The following TRPA1 variants were observed in gnomAD, a reference collection of about 807,000 sequenced individuals.
TRPA1 encodes ankyrin-like with transmembrane domains 1.
A neutral mutation model predicts 131.3 loss-of-function variants in TRPA1; 129 were observed. That is an observed-to-expected ratio of 0.98 (90% CI 0.85 to 1.14). The LOEUF (loss-of-function observed/expected upper bound fraction) is 1.14, where lower values mean the gene tolerates loss of function less well. Ranked by LOEUF, TRPA1 falls within the 50% of genes most tolerant of loss-of-function variation. TRPA1 has a pLI of 0.00. For synonymous variants in TRPA1, 441 were observed against 451.7 expected, an observed-to-expected ratio of 0.98 and a Z score of 0.30; for missense variants, 1,304 against 1,354.2, an observed-to-expected ratio of 0.96 and a Z score of 0.58.
upstream of TRPA1, among the ~76,000 whole-genome samples, chr8:72,076,213 T>A (rs1051984439): frequency 2.0e-5 from 3 of 152,146 alleles, no homozygotes; most frequent in African/African-American, 7.2e-5. Context: ...CTTTGGTGTT[T>A]AAGGGTGGTT....
chr8:72,036,028 AAAG>A (rs1187668579), intron 21 of TRPA1, among the ~76,000 whole-genome samples: 1,987 of 140,676 alleles, frequency 0.014, 77 homozygotes, highest in Middle Eastern at 0.028. Context: ...AAAAAAAAAA[AAAG>A]AAGAAGAAGA....
At chr8:72,082,471 T>C in the TRPA1 span, among the ~76,000 whole-genome samples, 1 of 152,094 alleles carries the variant, frequency 6.6e-6, no homozygotes, top group Non-Finnish European at 1.5e-5. Context: ...TTTATTCTAA[T>C]AGATTTGAGT....
At chr8:72,025,702 T>C (rs1311773592) in intron 25 of TRPA1, among the ~76,000 whole-genome samples, 2 of 152,232 alleles carry the variant, frequency 1.3e-5, no homozygotes, top group Non-Finnish European at 2.9e-5. Context: ...CCTGCCCATC[T>C]GCTCTCACAG....
At chr8:72,084,857 G>T in the TRPA1 span, among the ~76,000 whole-genome samples, 417 of 151,708 alleles carry the variant, frequency 2.7e-3, no homozygotes, top group Middle Eastern at 0.02. Context: ...TCATTCTGTC[G>T]GCCAGGCTGG....
rs746093133 is a variant in TRPA1, at chr8:72,034,387, T to TA, written c.2556-11dup. ...TCCACAATTTTCAAATCTAGAAAAGTAAAAAAAAAAAAATTTACTCACTTT... is the reference window on the plus strand; with the variant it reads ...TCCACAATTTTCAAATCTAGAAAAGTAAAAAAAAAAAAAATTTACTCACTTT... On this transcript the variant is annotated splice_polypyrimidine_tract_variant and intron_variant, in intron 21 of 26. Transcript: ENST00000262209. 32,644 of 1,103,324 alleles carry TA rather than the reference T, an allele frequency of 0.03. 35 individuals are homozygous for TA. Among genetic ancestry groups the TA allele is most frequent in the African/African-American group, 0.051 (3,078 of 60,508 alleles). The allele number at this position is 1,103,324 out of a possible 1,614,324, so 68.3% of individuals were successfully genotyped here.
chr8:72,026,767 A>G (rs556768270), intron 24 of TRPA1, among the ~76,000 whole-genome samples: 1 of 152,030 alleles, frequency 6.6e-6, no homozygotes, highest in African/African-American at 2.4e-5. Context: ...ACCCCTTTGT[A>G]TCTGATGTAT....
chr8:72,055,155 T>C lies in TRPA1; in HGVS notation c.1529+281A>G, dbSNP rs1717168490. 5 of 397,026 alleles carry C rather than the reference T, an allele frequency of 1.3e-5. No homozygotes were observed. In the South Asian group the frequency reaches 1.4e-4, roughly 11 times the overall value. 24.6% of individuals were successfully genotyped at this position (397,026 alleles called of 1,614,324 possible). ...TGAGAAACTATGTTTCAAAGAAAGG[T>C]TCTGAGAAAGACTGCACAAAGCCAA... On this transcript the variant is annotated intron_variant, in intron 12 of 26. Coordinates refer to ENST00000262209, the MANE Select transcript of TRPA1 (RefSeq NM_007332.3).
chr8:72,070,573 C>T (rs1806037615), intron 2 of TRPA1, among the ~76,000 whole-genome samples: 1 of 152,150 alleles, frequency 6.6e-6, no homozygotes. Flanking sequence ...TCTTGATCTC[C>T]TTCCTACTTG....
chr8:72,047,261 A>AT, intron 15 of TRPA1, 54 bp from the exon 16 acceptor site: 2 of 1,304,696 alleles, frequency 1.5e-6, no homozygotes, highest in Non-Finnish European at 2.2e-6. Flanking sequence ...ACATATTAGG[A>AT]AAGATTTTAT....
At chr8:72,035,982 A>G (rs1389869044) in intron 21 of TRPA1, among the ~76,000 whole-genome samples, 1 of 141,298 alleles carries the variant, frequency 7.1e-6, no homozygotes, top group Non-Finnish European at 1.5e-5. Flanking sequence ...GCAATTTACG[A>G]TATACAAGAC....
chr8:72,064,787 C>T (rs1805891642), intron 4 of TRPA1, among the ~76,000 whole-genome samples: 1 of 151,338 alleles, frequency 6.6e-6, no homozygotes, highest in African/African-American at 2.4e-5. Flanking sequence ...AGTCTATTTG[C>T]CGGCATTCTA....
rs575539806 is a variant in TRPA1, at chr8:72,056,346, T to G, written c.1195-491A>C. 1.3e-4 allele frequency: 22 copies of G among 167,964 alleles called. 1 individual carries two copies. The highest frequency in any genetic ancestry group is 1.1e-3 in the Admixed American group (20 of 17,682). 10.4% of individuals were successfully genotyped at this position (167,964 alleles called of 1,614,324 possible). A position where few individuals can be genotyped will look rare whatever the true frequency, so the allele number is the denominator to read the frequency against. On this transcript the variant is annotated intron_variant, in intron 10 of 26. Coordinates refer to ENST00000262209, the MANE Select transcript of TRPA1 (RefSeq NM_007332.3). ...AAGCTTAAGCCTATCAATTAATATTTTGTTATTTTTTAAATATTCAAACAC... is the reference window on the plus strand; with the variant it reads ...AAGCTTAAGCCTATCAATTAATATTGTGTTATTTTTTAAATATTCAAACAC...
intron 13 of TRPA1, 87 bp from the exon 14 acceptor site, chr8:72,052,852 G>A (rs541025709): frequency 5.0e-4 from 755 of 1,498,376 alleles, no homozygotes; most frequent in Non-Finnish European, 6.1e-4. Context: ...AGACATTAGC[G>A]ACACTATTTA....
chr8:72,035,074 T>A (rs1370813992), intron 21 of TRPA1, among the ~76,000 whole-genome samples: 1 of 152,194 alleles, frequency 6.6e-6, no homozygotes, highest in Non-Finnish European at 1.5e-5. Context: ...CACCATCTCC[T>A]TCGGTTTTCT....
At chr8:72,026,263 C>A (rs1399808796) in intron 24 of TRPA1, among the ~76,000 whole-genome samples, 190 bp from the exon 25 acceptor site, 1 of 152,226 alleles carries the variant, frequency 6.6e-6, no homozygotes. Context: ...TCTCACCTCA[C>A]CCACTGACAG....
chr8:72,052,890 G>T, intron 13 of TRPA1, 125 bp from the exon 14 acceptor site: 1 of 1,083,960 alleles, frequency 9.2e-7, no homozygotes, highest in Non-Finnish European at 1.4e-6. Flanking sequence ...ACTTAAAACT[G>T]GTGTTCAGAA....
intron 12 of TRPA1, chr8:72,054,422 G>GA (rs1242829396): frequency 6.5e-6 from 1 of 153,310 alleles, no homozygotes; most frequent in African/African-American, 2.4e-5. Flanking sequence ...CAATTGCTTT[G>GA]AAAAATGTTT....
intron 8 of TRPA1, among the ~76,000 whole-genome samples, chr8:72,058,785 TGGA>T (rs1157966471): frequency 5.9e-5 from 9 of 152,148 alleles, no homozygotes; most frequent in African/African-American, 1.9e-4. Flanking sequence ...ATACTACAAA[TGGA>T]AATCCGTCAT....
intron 8 of TRPA1, among the ~76,000 whole-genome samples, chr8:72,058,657 T>C (rs1382334975): frequency 1.3e-5 from 2 of 152,170 alleles, no homozygotes; most frequent in Non-Finnish European, 2.9e-5. Flanking sequence ...TGCATGACTA[T>C]GGTTTATGGT....
Sources: gnomAD v4.1 joint callset for allele counts (sites outside exome capture counted in the v4.1 genomes callset) on GRCh38, gnomAD v4.1.1 for gene constraint, MANE v1.5 for transcripts, NCBI Gene and HGNC (gene_info 2026-07-23, HGNC 2026-07-21) for gene names.